LAMA3: variants seen among roughly 807,000 people sequenced by gnomAD.
The protein encoded by LAMA3 is laminin subunit alpha 3, also known as laminin subunit alpha-3.
In LAMA3, 281 loss-of-function variants were observed where a neutral mutation model predicts 402.0. That is an observed-to-expected ratio of 0.70 (90% CI 0.63 to 0.77). The LOEUF is 0.77. LAMA3 is among the 30% of genes least tolerant of loss of function. LAMA3 has a pLI of 0.00. For missense variants in LAMA3, 3,840 were observed against 4,215.5 expected (o/e 0.91, Z 2.47); for synonymous variants, 1,431 against 1,558.4 (o/e 0.92, Z 1.93).
intron 55 of LAMA3, among the ~76,000 whole-genome samples, chr18:23,912,229 G>C (rs1253427978): frequency 1.3e-5 from 2 of 150,506 alleles, no homozygotes; most frequent in Non-Finnish European, 3.0e-5. Flanking sequence ...GAACTCCTGA[G>C]CTCAAGTGAT....
At chr18:23,893,721 T>G (rs2145049450) in intron 42 of LAMA3, among the ~76,000 whole-genome samples, 1 of 152,338 alleles carries the variant, frequency 6.6e-6, no homozygotes, top group South Asian at 2.1e-4. Flanking sequence ...CCCCCCGTGT[T>G]TCATGGGACT....
intron 8 of LAMA3, among the ~76,000 whole-genome samples, chr18:23,768,985 T>C (rs2062137693): frequency 6.6e-6 from 1 of 152,134 alleles, no homozygotes; most frequent in Admixed American, 6.5e-5. Flanking sequence ...TGGGGACTAC[T>C]AGAGGGGAGA....
chr18:23,920,845 A>C, intron 60 of LAMA3, 90 bp from the exon 61 acceptor site: 17 of 1,487,476 alleles, frequency 1.1e-5, no homozygotes, highest in Non-Finnish European at 1.6e-5. Flanking sequence ...AGCTGAGAGC[A>C]GGGGGGTCTG....
chr18:23,709,891 T>C (rs1302642913), intron 1 of LAMA3: 12 of 736,918 alleles, frequency 1.6e-5, no homozygotes, highest in Middle Eastern at 3.9e-4. Flanking sequence ...TATGCCTTCT[T>C]CTCTCCATCA....
At chr18:23,744,389 A>G (rs554146618) in intron 2 of LAMA3, among the ~76,000 whole-genome samples, 1 of 152,318 alleles carries the variant, frequency 6.6e-6, no homozygotes, top group Non-Finnish European at 1.5e-5. Context: ...AAACATTGAA[A>G]AGTGGCATGT....
At chr18:23,882,277 T>C (rs1310064336) in intron 40 of LAMA3, among the ~76,000 whole-genome samples, 3 of 152,186 alleles carry the variant, frequency 2.0e-5, no homozygotes, top group African/African-American at 4.8e-5. Flanking sequence ...TTGCATGATA[T>C]GTAAATTATA....
At chr18:23,811,043 C>G (rs148545509) in intron 13 of LAMA3, among the ~76,000 whole-genome samples, 1 of 152,044 alleles carries the variant, frequency 6.6e-6, no homozygotes, top group Non-Finnish European at 1.5e-5. Context: ...TTGGGGAAGG[C>G]GGGTGGGATG....
Position 23,747,990 on chromosome 18 carries a change from C to T in LAMA3, c.495C>T (p.Arg165=), listed in dbSNP as rs1216255042. 1.9e-6 allele frequency: 3 copies of T among 1,613,508 alleles called. No homozygotes were observed. In the African/African-American group the frequency reaches 4.0e-5, roughly 22 times the overall value. Residue 165 remains arginine (R), a synonymous_variant, in exon 3 of 75, where the codon CGC becomes CGT. Coordinates refer to ENST00000313654, the MANE Select transcript of LAMA3 (RefSeq NM_198129.4). ...TAATCAAATTTGCAAATTCTCCTCG[C>T]CCTGATCTTTGGGTCTTGGAAAGAT... ...YILIKFANSP[R]PDLWVLERSV... is the part of the protein sequence containing the mutation.
At chr18:23,798,489 C>T (rs1173060563) in intron 12 of LAMA3, among the ~76,000 whole-genome samples, 1 of 152,156 alleles carries the variant, frequency 6.6e-6, no homozygotes, top group Non-Finnish European at 1.5e-5. Context: ...GGAGAAGTGC[C>T]CTGCTGACGA....
chr18:23,826,505 G>A (rs2063384260), intron 21 of LAMA3, among the ~76,000 whole-genome samples, 197 bp from the exon 22 acceptor site: 1 of 152,110 alleles, frequency 6.6e-6, no homozygotes, highest in African/African-American at 2.4e-5. Context: ...GTTTCTCTCT[G>A]ATACATAAAG....
At chr18:23,874,415 C>G (rs778093421) in intron 38 of LAMA3, among the ~76,000 whole-genome samples, 1 of 152,244 alleles carries the variant, frequency 6.6e-6, no homozygotes, top group Non-Finnish European at 1.5e-5. Context: ...CTCCTTTAGG[C>G]AAGCCTGTTC....
intron 55 of LAMA3, among the ~76,000 whole-genome samples, chr18:23,909,957 A>G (rs1235726452): frequency 6.6e-6 from 1 of 152,242 alleles, no homozygotes; most frequent in African/African-American, 2.4e-5. Context: ...AACCAGGCTC[A>G]CTGTTACTTC....
rs757535255 is a variant in LAMA3 at position 23,943,850 on chromosome 18, C to T, written c.9089C>T (p.Thr3030Ile). Residue 3030 changes from threonine (T) to isoleucine (I), a missense_variant, in exon 69 of 75, where the codon ACT (threonine) becomes ATT (isoleucine). Around this residue, in one of 3 missense-constraint regions of LAMA3, gnomAD observed 840 missense variants for 981.9 expected, o/e 0.86. Transcript: ENST00000313654. ...SSRGLVFHTGTKNSFMALYLS... is the reference protein window; with the variant it reads ...SSRGLVFHTGIKNSFMALYLS... ...AGAGGACTGGTGTTTCACACGGGCACTAAGAACTCCTTTATGGCTCTTTAT... is the reference window on the plus strand; with the variant it reads ...AGAGGACTGGTGTTTCACACGGGCATTAAGAACTCCTTTATGGCTCTTTAT... The T allele has an allele frequency of 2.5e-6, 4 of 1,613,852 alleles. No homozygotes were observed. The highest frequency in any genetic ancestry group is 8.5e-7 in the Non-Finnish European group (1 of 1,179,858).
At chr18:23,792,832 G>A (rs961837635) in intron 12 of LAMA3, among the ~76,000 whole-genome samples, 1 of 152,142 alleles carries the variant, frequency 6.6e-6, no homozygotes, top group Admixed American at 6.5e-5. Context: ...GTTCCTGCCC[G>A]ATAGGTCTGC....
At chr18:23,872,709 G>A in intron 38 of LAMA3, 1 of 340,790 alleles carries the variant, frequency 2.9e-6, no homozygotes, top group Non-Finnish European at 5.6e-6. Context: ...TTGATAGCCC[G>A]AGGGAAAGAG....
chr18:23,860,548 C>G (rs1184938994), intron 34 of LAMA3, among the ~76,000 whole-genome samples: 1 of 152,054 alleles, frequency 6.6e-6, no homozygotes, highest in Non-Finnish European at 1.5e-5. Flanking sequence ...TGTGAGCCAC[C>G]ACACCCGGCC....
chr18:23,784,757 G>A (rs931941196), intron 12 of LAMA3, among the ~76,000 whole-genome samples: 3 of 152,058 alleles, frequency 2.0e-5, no homozygotes, highest in Non-Finnish European at 4.4e-5. Flanking sequence ...TGCTGGGTGA[G>A]TGAACACATG....
intron 67 of LAMA3, among the ~76,000 whole-genome samples, chr18:23,938,474 A>C (rs2082379636): frequency 6.6e-6 from 1 of 152,204 alleles, no homozygotes; most frequent in South Asian, 2.1e-4. Context: ...AGTCCCATTC[A>C]AAAGTTCAAA....
Position 23,918,864 on chromosome 18 carries a change from T to A in LAMA3, c.7924-2071T>A, listed in dbSNP as rs553887073. Among the ~76,000 whole-genome samples, 3 of 152,142 alleles carry A rather than the reference T, an allele frequency of 2.0e-5. No homozygotes were observed. The highest frequency in any genetic ancestry group is 2.9e-5 in the Non-Finnish European group (2 of 68,016). On this transcript the variant is annotated intron_variant, in intron 60 of 74. Coordinates refer to ENST00000313654, the MANE Select transcript of LAMA3 (RefSeq NM_198129.4). The surrounding 1 kb of genome is among the most constrained non-coding windows in gnomAD (Gnocchi z 4.1). ...TGACACTGACCCGGTCCAACTCTCCTCTCTGGGGTTGGTCTGGACCCTTCA... is the reference window on the plus strand; with the variant it reads ...TGACACTGACCCGGTCCAACTCTCCACTCTGGGGTTGGTCTGGACCCTTCA...
Sources: gnomAD v4.1 joint callset for allele counts (sites outside exome capture counted in the v4.1 genomes callset) on GRCh38, gnomAD v4.1.1 for gene constraint, gnomAD v4.1.1 regional missense constraint, Gnocchi (gnomAD v3.1) non-coding constraint, MANE v1.5 for transcripts, NCBI Gene and HGNC (gene_info 2026-07-23, HGNC 2026-07-21) for gene names.